AOAH: variants seen among roughly 807,000 people sequenced by gnomAD.
AOAH encodes the protein acyloxyacyl hydrolase (neutrophil).
In AOAH, 64 loss-of-function variants were observed where a neutral mutation model predicts 92.2. The observed-to-expected ratio is 0.69, with a 90% CI of 0.57 to 0.86. AOAH has a LOEUF of 0.86. AOAH is among the 40% of genes least tolerant of loss of function. The probability of loss-of-function intolerance (pLI) is 0.00; values close to 1 mark genes in which losing one functional copy is unlikely to be tolerated. For missense variants in AOAH, 656 were observed against 694.6 expected, an observed-to-expected ratio of 0.94 and a Z score of 0.62; for synonymous variants, 263 against 254.5, an observed-to-expected ratio of 1.03 and a Z score of -0.32.
intron 15 of AOAH, among the ~76,000 whole-genome samples, chr7:36,542,523 T>C (rs1054920694): frequency 2.6e-5 from 4 of 152,190 alleles, no homozygotes; most frequent in African/African-American, 9.6e-5. Flanking sequence ...GATCCATAAT[T>C]CTCATTTTTA....
chr7:36,539,995 C>T (rs1435066733), intron 16 of AOAH, among the ~76,000 whole-genome samples: 1 of 152,194 alleles, frequency 6.6e-6, no homozygotes, highest in Non-Finnish European at 1.5e-5. Context: ...CTTTGACTCA[C>T]GGGTCTGTCT....
chr7:36,556,377 A>G (rs1302193869), intron 13 of AOAH, among the ~76,000 whole-genome samples: 2 of 151,876 alleles, frequency 1.3e-5, no homozygotes, highest in Non-Finnish European at 2.9e-5. Flanking sequence ...GTTCTTTTCC[A>G]TTTGCTGAGG....
At chr7:36,699,817 ATTTTCT>A (rs1797929352) in intron 1 of AOAH, among the ~76,000 whole-genome samples, 3 of 151,544 alleles carry the variant, frequency 2.0e-5, no homozygotes, top group Non-Finnish European at 4.4e-5. Flanking sequence ...CATTTGTCTA[ATTTTCT>A]TTTTGTTGCC....
At chr7:36,670,641 ATT>A (rs1049691440) in intron 3 of AOAH, among the ~76,000 whole-genome samples, 1 of 151,660 alleles carries the variant, frequency 6.6e-6, no homozygotes, top group East Asian at 1.9e-4. Flanking sequence ...CACCCGGCTA[ATT>A]TTTTTTGTAT....
intron 1 of AOAH, among the ~76,000 whole-genome samples, chr7:36,702,553 T>C (rs1798093063): frequency 6.6e-6 from 1 of 152,196 alleles, no homozygotes; most frequent in South Asian, 2.1e-4. Context: ...ACATGAAATT[T>C]TGGTTTCCTA....
intron 5 of AOAH, among the ~76,000 whole-genome samples, chr7:36,635,603 G>A (rs1793461496): frequency 6.6e-6 from 1 of 152,204 alleles, no homozygotes; most frequent in South Asian, 2.1e-4. Flanking sequence ...GCTGTCATTT[G>A]TAACTGCACA....
intron 1 of AOAH, among the ~76,000 whole-genome samples, chr7:36,718,044 T>A (rs1317336131): frequency 1.3e-5 from 2 of 152,110 alleles, no homozygotes; most frequent in Non-Finnish European, 2.9e-5. Flanking sequence ...GGAGAAAATA[T>A]TTGTGAATCA....
At chr7:36,565,906 T>G (rs1046363271) in intron 13 of AOAH, among the ~76,000 whole-genome samples, 4 of 152,146 alleles carry the variant, frequency 2.6e-5, no homozygotes, top group Non-Finnish European at 5.9e-5. Flanking sequence ...ATAACACTAT[T>G]GCCTGATCTA....
At chr7:36,654,578 G>A (rs527453592) in intron 4 of AOAH, among the ~76,000 whole-genome samples, 3 of 152,198 alleles carry the variant, frequency 2.0e-5, no homozygotes, top group African/African-American at 7.2e-5. Context: ...GCTTGCTTCT[G>A]CGCTATGAGC....
At chr7:36,712,160 T>G (rs1798808871) in intron 1 of AOAH, among the ~76,000 whole-genome samples, 1 of 152,230 alleles carries the variant, frequency 6.6e-6, no homozygotes, top group Non-Finnish European at 1.5e-5. Flanking sequence ...AAATCCTTCC[T>G]ATTCTTGTCA....
Position 36,531,626 on chromosome 7 carries a change from G to A in AOAH, c.1425+521C>T, listed in dbSNP as rs142276434. Among the ~76,000 whole-genome samples, 200 of 152,268 alleles carry A rather than the reference G, an allele frequency of 1.3e-3. 1 individual carries two copies. Among genetic ancestry groups the A allele is most frequent in the African/African-American group, 4.5e-3 (187 of 41,556 alleles). On this transcript the variant is annotated intron_variant, in intron 18 of 20. Transcript: ENST00000617537. ...GCCTCCCAAAGTGCTGAGATTACAG[G>A]TGTGAGCCACCGCGCCCAGCCTCAA...
intron 3 of AOAH, among the ~76,000 whole-genome samples, chr7:36,673,344 C>G (rs974677493): frequency 2.0e-5 from 3 of 152,134 alleles, no homozygotes; most frequent in Non-Finnish European, 4.4e-5. Context: ...TTGAGACTAT[C>G]CTGGCCAACA....
chr7:36,596,587 A>T (rs915460656), intron 11 of AOAH, among the ~76,000 whole-genome samples: 1 of 152,204 alleles, frequency 6.6e-6, no homozygotes, highest in African/African-American at 2.4e-5. Flanking sequence ...AGGCCGTGCA[A>T]TGGTGGAGGC....
chr7:36,709,811 TGAAATCCATGA>T (rs1798647349), intron 1 of AOAH, among the ~76,000 whole-genome samples: 1 of 152,104 alleles, frequency 6.6e-6, no homozygotes, highest in Non-Finnish European at 1.5e-5. Context: ...TTCCAGAGTG[TGAAATCCATGA>T]GAAAAAGCTT....
intron 6 of AOAH, among the ~76,000 whole-genome samples, chr7:36,623,558 GACTGCACTTTGAGTTC>G (rs1792435669): frequency 1.3e-5 from 2 of 152,214 alleles, no homozygotes; most frequent in South Asian, 4.1e-4. Context: ...GGAAATATGA[GACTGCACTTTGAGTTC>G]AGTCAATGAA....
chr7:36,576,966 T>C (rs776221529), intron 12 of AOAH, among the ~76,000 whole-genome samples: 1 of 152,130 alleles, frequency 6.6e-6, no homozygotes, highest in Non-Finnish European at 1.5e-5. Flanking sequence ...TGTACATTTC[T>C]TGAGCAATTG....
chr7:36,644,300 C>G (rs1234394631), intron 4 of AOAH, among the ~76,000 whole-genome samples: 1 of 151,886 alleles, frequency 6.6e-6, no homozygotes, highest in Non-Finnish European at 1.5e-5. Flanking sequence ...ATTTTTCACT[C>G]TGCGCTGGGA....
chr7:36,620,903 G>C, intron 8 of AOAH, 74 bp from the exon 9 acceptor site: 1 of 1,185,988 alleles, frequency 8.4e-7, no homozygotes, highest in Non-Finnish European at 1.2e-6. Flanking sequence ...ATGCATGAAT[G>C]AATGAATGAA....
rs777491824 is a variant in AOAH, at chr7:36,522,144, G to A, written c.1523-29C>T. 3.1e-6 allele frequency: 5 copies of A among 1,606,860 alleles called. No individual in the cohort carries two copies. In the South Asian group the frequency reaches 4.4e-5, roughly 14 times the overall value. ...CAGGGCACATAACGAGAGGGTTACA[G>A]ACACACTTGCACAAGCAACGGCCAA... On this transcript the variant is annotated intron_variant, in intron 19 of 20. Coordinates refer to ENST00000617537, the MANE Select transcript of AOAH (RefSeq NM_001637.4).
Sources: gnomAD v4.1 joint callset for allele counts (sites outside exome capture counted in the v4.1 genomes callset) on GRCh38, gnomAD v4.1.1 for gene constraint, MANE v1.5 for transcripts, NCBI Gene and HGNC (gene_info 2026-07-23, HGNC 2026-07-21) for gene names.